Variants in EDEM2 observed in about 807,000 individuals in gnomAD.
EDEM2 encodes the protein ER degradation-enhancing alpha-mannosidase-like protein 2.
Under a neutral mutation model 64.8 loss-of-function variants are expected in EDEM2, and 39 were observed. That is an observed-to-expected ratio of 0.60 (90% CI 0.47 to 0.79). EDEM2 has a LOEUF of 0.79. EDEM2 is among the 30% of genes least tolerant of loss of function. EDEM2 has a pLI of 0.00. For synonymous variants in EDEM2, 296 were observed against 291.5 expected, an observed-to-expected ratio of 1.02 and a Z score of -0.16; for missense variants, 609 against 731.3, an observed-to-expected ratio of 0.83 and a Z score of 1.93.
At chr20:35,145,388 T>A (rs2085715410) in intron 2 of EDEM2, among the ~76,000 whole-genome samples, 1 of 152,186 alleles carries the variant, frequency 6.6e-6, no homozygotes, top group African/African-American at 2.4e-5. Context: ...CAGTATTGCT[T>A]AGAACAGCAA....
At chr20:35,130,221 T>A (rs1445829962) in intron 7 of EDEM2, among the ~76,000 whole-genome samples, 1 of 151,974 alleles carries the variant, frequency 6.6e-6, no homozygotes, top group African/African-American at 2.4e-5. Flanking sequence ...GCACGCACCA[T>A]CATGCCCAGC....
chr20:35,147,075 C>A (rs573773641), intron 1 of EDEM2, 77 bp downstream of exon 1: 1 of 1,550,160 alleles, frequency 6.5e-7, no homozygotes, highest in Non-Finnish European at 8.7e-7. Flanking sequence ...AAGTCGGGGT[C>A]TGGGATGGAC....
At chr20:35,126,443 C>T (rs912358568) in intron 7 of EDEM2, 68 bp from the exon 8 acceptor site, 14 of 1,570,386 alleles carry the variant, frequency 8.9e-6, no homozygotes, top group Admixed American at 3.5e-5. Context: ...GCCTGGACAG[C>T]GGAAGCGAGA....
At position 35,128,281 on chromosome 20, in the gene EDEM2, G is replaced by GCCAAGGTGGGTGGAGATCAC. The variant is rs1452682036; in HGVS notation, c.845-1907_845-1906insGTGATCTCCACCCACCTTGG. On this transcript the variant is annotated intron_variant, in intron 7 of 10. Coordinates refer to ENST00000374492, the MANE Select transcript of EDEM2 (RefSeq NM_018217.3). ...GCCTGTAATCCCAGCTACTCGGGAGGCTGAGGCAGGAGAATGGCGTGAATC... is the reference window on the plus strand; with the variant it reads ...GCCTGTAATCCCAGCTACTCGGGAGGCCAAGGTGGGTGGAGATCACCTGAGGCAGGAGAATGGCGTGAATC... Among the ~76,000 whole-genome samples, 645 of 149,896 alleles carry GCCAAGGTGGGTGGAGATCAC rather than the reference G, an allele frequency of 4.3e-3. 2 individuals carry two copies. Among genetic ancestry groups the GCCAAGGTGGGTGGAGATCAC allele is most frequent in the African/African-American group, 8.2e-3 (331 of 40,144 alleles).
chr20:35,134,932 C>T lies in EDEM2; in HGVS notation c.508G>A (p.Gly170Ser). The T allele has an allele frequency of 1.2e-6, 2 of 1,614,064 alleles. No homozygotes were observed. The highest frequency in any genetic ancestry group is 2.2e-5 in the South Asian group (2 of 91,086). ...KLLPAFQTPT[G>S]MPYGTVNLLH... ...AAGTTCACTGTTCCATATGGCATGC[C>T]AGTGGGGGTCTGAAAGGCTGAACAA... Residue 170 changes from glycine to serine, a missense_variant, in exon 6 of 11, where the codon GGC (glycine) becomes AGC (serine). Coordinates refer to ENST00000374492, the MANE Select transcript of EDEM2 (RefSeq NM_018217.3).
intron 2 of EDEM2, 141 bp downstream of exon 2, chr20:35,146,684 T>C: frequency 2.3e-6 from 2 of 883,222 alleles, no homozygotes; most frequent in Non-Finnish European, 3.4e-6. Flanking sequence ...TAGTAAGAAT[T>C]GCGGGGAGCG....
At chr20:35,120,729 C>T (rs1465353674) in intron 9 of EDEM2, among the ~76,000 whole-genome samples, 5 of 151,910 alleles carry the variant, frequency 3.3e-5, no homozygotes, top group Middle Eastern at 3.4e-3. Context: ...TCCTGAGTAG[C>T]TGGGACTACA....
chr20:35,129,106 A>C (rs1030847283), intron 7 of EDEM2, among the ~76,000 whole-genome samples: 1 of 151,918 alleles, frequency 6.6e-6, no homozygotes, highest in Non-Finnish European at 1.5e-5. Context: ...ATCCATCTCT[A>C]CTAAAAATAC....
In EDEM2 at chr20:35,126,260, A is replaced by G. The variant is rs546433171; in HGVS notation, c.960T>C (p.Pro320=). The G allele has an allele frequency of 6.2e-7, 1 of 1,613,500 alleles. No individual in the cohort carries two copies. Among genetic ancestry groups the G allele is most frequent in the East Asian group, 2.2e-5 (1 of 44,888 alleles). Residue 320 remains proline, a synonymous_variant, in exon 8 of 11, where the codon CCT becomes CCC. Coordinates refer to ENST00000374492, the MANE Select transcript of EDEM2 (RefSeq NM_018217.3). ...PVFQSLEAYW[P]GLQSLIGDID... is the part of the protein sequence containing the mutation. ...CTTTGATCATTCCTACCTGAAGACC[A>G]GGCCAGTAGGCCTCCAAGGACTGGA...
chr20:35,115,525 C>G lies in EDEM2; in HGVS notation c.1645G>C (p.Ala549Pro). The G allele has an allele frequency of 6.2e-7, 1 of 1,614,124 alleles. No homozygotes were observed. Among genetic ancestry groups the G allele is most frequent in the Non-Finnish European group, 8.5e-7 (1 of 1,179,970 alleles). The change falls in exon 11 of 11, where the codon GCC becomes CCC. Residue 549 changes from alanine (A) to proline (P), a missense_variant. Coordinates refer to ENST00000374492, the MANE Select transcript of EDEM2 (RefSeq NM_018217.3). ...CTGAGAAGTGGGACCTTCTGTTTGG[C>G]AGGCTTCCTCTCCCTTGCCTGGTCA... ...NHDQARERKP[A>P]KQKVPLLSCP...
Position 35,142,868 on chromosome 20 carries a change from C to G in EDEM2, c.259-390G>C, listed in dbSNP as rs536735873. ...TCAAACTCCGCCTCCTGGGTTCAAGCGATTCTCCTGCCTCAGCCCCGAGTA... is the reference window on the plus strand; with the variant it reads ...TCAAACTCCGCCTCCTGGGTTCAAGGGATTCTCCTGCCTCAGCCCCGAGTA... On this transcript the variant is annotated intron_variant, in intron 3 of 10. Transcript: ENST00000374492. Among the ~76,000 whole-genome samples the G allele has an allele frequency of 2.7e-5, 4 of 150,102 alleles. No homozygotes were observed. The East Asian group carries it at 7.7e-4, about 29-fold the overall frequency.
chr20:35,135,342 G>A (rs911474280), intron 5 of EDEM2, among the ~76,000 whole-genome samples: 7 of 152,214 alleles, frequency 4.6e-5, no homozygotes, highest in Non-Finnish European at 1.0e-4. Flanking sequence ...GTGGCACAAT[G>A]ACAAGAGTAA....
At chr20:35,145,685 T>C (rs2085719785) in intron 2 of EDEM2, among the ~76,000 whole-genome samples, 1 of 152,136 alleles carries the variant, frequency 6.6e-6, no homozygotes, top group Non-Finnish European at 1.5e-5. Flanking sequence ...CAGAAGTGTT[T>C]CATATCTTGA....
chr20:35,136,045 G>A (rs182943918), intron 5 of EDEM2, among the ~76,000 whole-genome samples: 15 of 152,260 alleles, frequency 9.9e-5, no homozygotes, highest in Admixed American at 6.5e-4. Flanking sequence ...CAGCCTATGC[G>A]TCACCAAACT....
At chr20:35,127,732 G>A (rs1334977481) in intron 7 of EDEM2, among the ~76,000 whole-genome samples, 2 of 152,166 alleles carry the variant, frequency 1.3e-5, no homozygotes, top group Non-Finnish European at 2.9e-5. Context: ...AGGAGAATAC[G>A]TTCCAAGACC....
Position 35,128,512 on chromosome 20 carries a change from G to C in EDEM2, c.845-2137C>G, listed in dbSNP as rs993896238. Among the ~76,000 whole-genome samples the C allele has an allele frequency of 9.4e-5, 14 of 149,178 alleles. 1 individual carries two copies. Among genetic ancestry groups the C allele is most frequent in the African/African-American group, 3.5e-4 (14 of 39,684 alleles). ...ACCTGGGAGGCGGAGGTTGCAGTGA[G>C]CCGAGATGGTGCCACTGCACTCCAG... On this transcript the variant is annotated intron_variant, in intron 7 of 10. Coordinates refer to ENST00000374492, the MANE Select transcript of EDEM2 (RefSeq NM_018217.3).
At chr20:35,135,000 A>C in intron 5 of EDEM2, 51 bp from the exon 6 acceptor site, 1 of 1,576,002 alleles carries the variant, frequency 6.3e-7, no homozygotes, top group Non-Finnish European at 8.7e-7. Context: ...GGATAGGGAT[A>C]GTTCTGATAC....
At chr20:35,144,313 T>G (rs2085699177) in intron 3 of EDEM2, among the ~76,000 whole-genome samples, 1 of 152,160 alleles carries the variant, frequency 6.6e-6, no homozygotes, top group Non-Finnish European at 1.5e-5. Flanking sequence ...AGAAACATAC[T>G]AACTAGTCAC....
chr20:35,142,085 T>C (rs2085662527), intron 4 of EDEM2, among the ~76,000 whole-genome samples: 1 of 152,172 alleles, frequency 6.6e-6, no homozygotes, highest in African/African-American at 2.4e-5. Flanking sequence ...ATCTTTCTTG[T>C]TCATAGCTGT....
Sources: gnomAD v4.1 joint callset for allele counts (sites outside exome capture counted in the v4.1 genomes callset) on GRCh38, gnomAD v4.1.1 for gene constraint, MANE v1.5 for transcripts, NCBI Gene and HGNC (gene_info 2026-07-23, HGNC 2026-07-21) for gene names.